Variants in CPNE8 observed in about 807,000 individuals in gnomAD.
CPNE8 encodes copine 8, also known as copine-8.
CPNE8 carries 45 observed loss-of-function variants against 81.5 expected under a neutral mutation model. That is an observed-to-expected ratio of 0.55 (90% CI 0.44 to 0.71). The LOEUF (loss-of-function observed/expected upper bound fraction) is 0.71. Ranked by LOEUF, CPNE8 falls within the 30% of genes least tolerant of loss-of-function variation. The pLI, the probability that CPNE8 is intolerant of heterozygous loss-of-function variation, is 0.00. For synonymous variants in CPNE8, 252 were observed against 226.3 expected, an observed-to-expected ratio of 1.11 and a Z score of -1.02; for missense variants, 594 against 672.1, an observed-to-expected ratio of 0.88 and a Z score of 1.28.
chr12:38,898,024 G>T (rs898922647), intron 1 of CPNE8, among the ~76,000 whole-genome samples: 2 of 152,096 alleles, frequency 1.3e-5, no homozygotes, highest in Admixed American at 6.6e-5. Flanking sequence ...TCTCAAACAG[G>T]CTAAGAACTG....
chr12:38,719,738 A>G (rs1304871996), intron 13 of CPNE8, among the ~76,000 whole-genome samples: 3 of 152,140 alleles, frequency 2.0e-5, no homozygotes, highest in African/African-American at 7.2e-5. Flanking sequence ...ATAAGTTAAT[A>G]TCCCTGTATT....
chr12:38,762,947 CG>C (rs1291998400), intron 8 of CPNE8, among the ~76,000 whole-genome samples: 1 of 152,186 alleles, frequency 6.6e-6, no homozygotes, highest in African/African-American at 2.4e-5. Flanking sequence ...CAACCTCTGC[CG>C]CCCGGGTTCA....
intron 19 of CPNE8, among the ~76,000 whole-genome samples, chr12:38,657,442 T>C (rs2630777): frequency 0.96 from 146,789 of 152,274 alleles, 70,857 homozygotes; most frequent in East Asian, 1. Flanking sequence ...GCCACCTCTG[T>C]GGGTAGGGCA....
chr12:38,736,266 T>C (rs1440084476), intron 10 of CPNE8, among the ~76,000 whole-genome samples: 1 of 148,302 alleles, frequency 6.7e-6, no homozygotes, highest in African/African-American at 2.5e-5. Flanking sequence ...TAATTCTAAA[T>C]TTTAGTATGT....
chr12:38,654,547 A>G (rs1420631607), intron 19 of CPNE8, among the ~76,000 whole-genome samples: 1 of 151,294 alleles, frequency 6.6e-6, no homozygotes, highest in Admixed American at 6.6e-5. Context: ...TCAATACACT[A>G]CAAATAGCTA....
chr12:38,785,185 C>G (rs891655266), intron 6 of CPNE8, among the ~76,000 whole-genome samples: 12 of 142,900 alleles, frequency 8.4e-5, no homozygotes, highest in Admixed American at 7.0e-4. Flanking sequence ...GAGACTCTGT[C>G]TCTGAAAAAA....
intron 6 of CPNE8, among the ~76,000 whole-genome samples, chr12:38,816,479 C>T (rs1429633619): frequency 6.6e-6 from 1 of 152,040 alleles, no homozygotes; most frequent in East Asian, 1.9e-4. Flanking sequence ...TCATAGTATA[C>T]AGGAGAATTA....
intron 13 of CPNE8, 55 bp from the exon 14 acceptor site, chr12:38,702,976 T>C (rs545662606): frequency 1.7e-6 from 2 of 1,207,036 alleles, no homozygotes; most frequent in South Asian, 1.5e-5. Context: ...ATAAAAGGAG[T>C]TTCTTTTCCA....
chr12:38,799,554 G>C (rs1302880746), intron 6 of CPNE8, among the ~76,000 whole-genome samples: 4 of 152,132 alleles, frequency 2.6e-5, no homozygotes, highest in Admixed American at 6.5e-5. Context: ...GCAGTGTGTA[G>C]AGGGAAATTT....
In CPNE8 at chr12:38,773,970, ACT is replaced by A. The variant is rs542199740; in HGVS notation, c.471+2266_471+2267del. On this transcript the variant is annotated intron_variant, in intron 7 of 19. Transcript: ENST00000331366. The stretch of plus-strand genomic sequence containing the variant: ...TAAACAATATTGATAAAAATATTAA[ACT>A]ATAATTTCTAAGTATGAGAAATATG... 3.9e-4 allele frequency among the ~76,000 whole-genome samples: 59 copies of A among 152,298 alleles called. No homozygotes were observed. In the South Asian group the frequency reaches 0.012, roughly 30 times the overall value.
intron 13 of CPNE8, among the ~76,000 whole-genome samples, chr12:38,703,326 T>C (rs1475239035): frequency 6.6e-6 from 1 of 152,168 alleles, no homozygotes; most frequent in Non-Finnish European, 1.5e-5. Context: ...AAGTGTTGCA[T>C]TGCTAAAATC....
chr12:38,714,039 C>A (rs1033830872), intron 13 of CPNE8, among the ~76,000 whole-genome samples: 5 of 151,922 alleles, frequency 3.3e-5, no homozygotes, highest in Non-Finnish European at 7.4e-5. Context: ...TCCTTAGTTA[C>A]GGGGATGGGG....
At chr12:38,678,926 G>A (rs747039831) in intron 16 of CPNE8, among the ~76,000 whole-genome samples, 2 of 151,784 alleles carry the variant, frequency 1.3e-5, no homozygotes, top group Non-Finnish European at 3.0e-5. Context: ...AACACAACCA[G>A]TGGAAAACAA....
chr12:38,899,157 T>C (rs1249822109), intron 1 of CPNE8, among the ~76,000 whole-genome samples: 1 of 151,722 alleles, frequency 6.6e-6, no homozygotes, highest in East Asian at 1.9e-4. Context: ...CTAACAAGAG[T>C]GTTATGAACT....
chr12:38,764,140 A>G (rs1354118191), intron 8 of CPNE8, among the ~76,000 whole-genome samples: 1 of 152,144 alleles, frequency 6.6e-6, no homozygotes, highest in African/African-American at 2.4e-5. Context: ...ACCTGAAGCA[A>G]TTTAGGAGTC....
intron 6 of CPNE8, among the ~76,000 whole-genome samples, chr12:38,826,242 G>A (rs1007260134): frequency 6.6e-6 from 1 of 152,096 alleles, no homozygotes; most frequent in African/African-American, 2.4e-5. Context: ...AGGAGATGAA[G>A]GGCTGAATAA....
chr12:38,857,456 C>T (rs1943760268), intron 3 of CPNE8, among the ~76,000 whole-genome samples: 1 of 146,716 alleles, frequency 6.8e-6, no homozygotes, highest in Non-Finnish European at 1.5e-5. Context: ...AAACACTGAA[C>T]TACATTATAG....
intron 3 of CPNE8, among the ~76,000 whole-genome samples, chr12:38,861,067 A>T (rs1943825436): frequency 6.6e-6 from 1 of 152,214 alleles, no homozygotes; most frequent in Non-Finnish European, 1.5e-5. Context: ...AAAATAAGGT[A>T]ATCCTGCTAT....
At chr12:38,883,034 C>T (rs1290425303) in intron 1 of CPNE8, among the ~76,000 whole-genome samples, 1 of 152,142 alleles carries the variant, frequency 6.6e-6, no homozygotes, top group African/African-American at 2.4e-5. Flanking sequence ...GAATCTGTAT[C>T]ACAAATTGCA....
Sources: allele counts gnomAD v4.1 joint callset (sites outside exome capture counted in the v4.1 genomes callset), GRCh38; gene constraint gnomAD v4.1.1; transcripts MANE v1.5; gene names NCBI Gene and HGNC (gene_info 2026-07-23, HGNC 2026-07-21).